Variants in ALCAM observed in about 807,000 individuals in gnomAD.
ALCAM encodes the protein CD166 antigen.
A neutral mutation model predicts 70.9 loss-of-function variants in ALCAM; 30 were observed. The ratio of observed to expected loss-of-function variants is 0.42; its 90% confidence interval spans 0.32 to 0.57. The LOEUF (loss-of-function observed/expected upper bound fraction) is 0.57. Among genes scored for constraint, ALCAM ranks in the 20% least tolerant of loss-of-function variants. ALCAM has a pLI of 0.11. For synonymous variants in ALCAM, 249 were observed against 242.5 expected (o/e 1.03, Z -0.25); for missense variants, 591 against 695.1 (o/e 0.85, Z 1.68).
intron 11 of ALCAM, 99 bp downstream of exon 11, chr3:105,547,622 T>A (rs756812900): frequency 2.7e-6 from 4 of 1,470,010 alleles, no homozygotes; most frequent in Non-Finnish European, 3.7e-6. Context: ...CACATAAAAT[T>A]TGCAGTGTGT....
At chr3:105,405,472 C>G (rs1936205020) in intron 1 of ALCAM, among the ~76,000 whole-genome samples, 1 of 151,914 alleles carries the variant, frequency 6.6e-6, no homozygotes, top group South Asian at 2.1e-4. Context: ...TTTAATACTC[C>G]ACTGACAGCA....
intron 1 of ALCAM, among the ~76,000 whole-genome samples, chr3:105,430,315 GT>G (rs1936898379): frequency 6.6e-6 from 1 of 151,418 alleles, no homozygotes; most frequent in African/African-American, 2.4e-5. Context: ...TCCTTTTTCT[GT>G]GACATTTACA....
At chr3:105,505,429 A>G (rs1245056093) in intron 1 of ALCAM, among the ~76,000 whole-genome samples, 1 of 152,150 alleles carries the variant, frequency 6.6e-6, no homozygotes, top group Admixed American at 6.5e-5. Context: ...CTTGAGAACA[A>G]CAAGGGGGAA....
At chr3:105,482,179 CT>C (rs1395128988) in intron 1 of ALCAM, among the ~76,000 whole-genome samples, 2 of 152,150 alleles carry the variant, frequency 1.3e-5, no homozygotes, top group African/African-American at 4.8e-5. Context: ...GTGGCACGAT[CT>C]TTGGTCACTG....
chr3:105,524,719 T>G, intron 3 of ALCAM: 1 of 1,313,828 alleles, frequency 7.6e-7, no homozygotes, highest in Non-Finnish European at 9.7e-7. Flanking sequence ...AGTGAGGAAC[T>G]AAAATAATAT....
chr3:105,505,581 C>T (rs1939051478), intron 1 of ALCAM, among the ~76,000 whole-genome samples: 1 of 152,100 alleles, frequency 6.6e-6, no homozygotes, highest in African/African-American at 2.4e-5. Flanking sequence ...GACATTTTAG[C>T]CAATCAATAG....
At chr3:105,376,271 A>T (rs567588751) in intron 1 of ALCAM, among the ~76,000 whole-genome samples, 1 of 152,340 alleles carries the variant, frequency 6.6e-6, no homozygotes, top group Admixed American at 6.5e-5. Context: ...GCTGAAATAA[A>T]TGAAACCACA....
intron 1 of ALCAM, among the ~76,000 whole-genome samples, chr3:105,410,883 T>C (rs1416737460): frequency 1.3e-5 from 2 of 152,076 alleles, no homozygotes; most frequent in African/African-American, 4.8e-5. Context: ...CAAAACACCC[T>C]TTGACATCAA....
At chr3:105,371,814 T>C (rs1393194838) in intron 1 of ALCAM, among the ~76,000 whole-genome samples, 1 of 152,164 alleles carries the variant, frequency 6.6e-6, no homozygotes, top group African/African-American at 2.4e-5. Flanking sequence ...AAGATCCACT[T>C]AGGTATAGCT....
chr3:105,461,357 A>G (rs531592171), intron 1 of ALCAM, among the ~76,000 whole-genome samples: 1 of 152,006 alleles, frequency 6.6e-6, no homozygotes, highest in South Asian at 2.1e-4. Context: ...TAAAACACAT[A>G]TATAAGGCAA....
chr3:105,565,663 T>G (rs1294354460), intron 14 of ALCAM, among the ~76,000 whole-genome samples: 1 of 152,198 alleles, frequency 6.6e-6, no homozygotes, highest in African/African-American at 2.4e-5. Context: ...TTAGTAATTT[T>G]TGTTTGGATG....
At chr3:105,506,464 T>C (rs1217656890) in intron 1 of ALCAM, among the ~76,000 whole-genome samples, 1 of 152,176 alleles carries the variant, frequency 6.6e-6, no homozygotes, top group African/African-American at 2.4e-5. Context: ...GGGGGAAGCA[T>C]TGGGAGTTGT....
chr3:105,484,953 T>C (rs1938383815), intron 1 of ALCAM, among the ~76,000 whole-genome samples: 1 of 151,978 alleles, frequency 6.6e-6, no homozygotes, highest in Admixed American at 6.6e-5. Context: ...TTTTTTTTGG[T>C]GGGGGATAGG....
At chr3:105,557,827 G>A (rs1376775561) in intron 14 of ALCAM, among the ~76,000 whole-genome samples, 1 of 152,068 alleles carries the variant, frequency 6.6e-6, no homozygotes, top group African/African-American at 2.4e-5. Flanking sequence ...TTTCTTTGTA[G>A]AGTCTTAGAA....
intron 5 of ALCAM, 55 bp downstream of exon 5, chr3:105,533,745 T>G (rs1485763598): frequency 2.0e-6 from 3 of 1,536,078 alleles, no homozygotes; most frequent in African/African-American, 1.4e-5. Context: ...GTTCTGACTT[T>G]CTTTGTTCTA....
At chr3:105,554,219 A>G (rs1940470927) in intron 14 of ALCAM, among the ~76,000 whole-genome samples, 1 of 151,872 alleles carries the variant, frequency 6.6e-6, no homozygotes, top group Admixed American at 6.6e-5. Flanking sequence ...GTGTAGTTCC[A>G]GGCTATGTCC....
intron 14 of ALCAM, among the ~76,000 whole-genome samples, chr3:105,570,833 A>G (rs13320956): frequency 0.082 from 12,535 of 152,254 alleles, 659 homozygotes; most frequent in Non-Finnish European, 0.12. Flanking sequence ...ATAGCAGGTA[A>G]AACTATTATG....
At chr3:105,514,084 A>G (rs916224303) in intron 1 of ALCAM, among the ~76,000 whole-genome samples, 3 of 151,854 alleles carry the variant, frequency 2.0e-5, no homozygotes, top group South Asian at 2.1e-4. Flanking sequence ...AATATCCTCA[A>G]TCTCATTGCT....
At chr3:105,406,308 A>C (rs1417294394) in intron 1 of ALCAM, among the ~76,000 whole-genome samples, 1 of 152,138 alleles carries the variant, frequency 6.6e-6, no homozygotes, top group African/African-American at 2.4e-5. Flanking sequence ...CCCACAATAA[A>C]ACTTTAGTCC....
Sources: allele counts gnomAD v4.1 joint callset (sites outside exome capture counted in the v4.1 genomes callset), GRCh38; gene constraint gnomAD v4.1.1; transcripts MANE v1.5; gene names NCBI Gene and HGNC (gene_info 2026-07-23, HGNC 2026-07-21).